The following DSCAM variants were observed in gnomAD, a reference collection of about 807,000 sequenced individuals.
DSCAM encodes the protein cell adhesion molecule DSCAM.
DSCAM carries 47 observed loss-of-function variants against 217.7 expected under a neutral mutation model. That is an observed-to-expected ratio of 0.22 (90% CI 0.17 to 0.28). The LOEUF (loss-of-function observed/expected upper bound fraction) is 0.28. Ranked by LOEUF, DSCAM falls within the 10% of genes least tolerant of loss-of-function variation. DSCAM has a pLI of 1.00. For missense variants in DSCAM, 2,080 were observed against 2,618.3 expected, an observed-to-expected ratio of 0.79 and a Z score of 4.49; for synonymous variants, 1,056 against 1,015.3, an observed-to-expected ratio of 1.04 and a Z score of -0.76.
At chr21:40,341,361 G>A (rs915286858) in intron 6 of DSCAM, among the ~76,000 whole-genome samples, 4 of 152,058 alleles carry the variant, frequency 2.6e-5, no homozygotes, top group African/African-American at 9.7e-5. Context: ...AATGTGTTTA[G>A]CTGTAGATTT....
In DSCAM at chr21:40,013,235, G is replaced by A. The variant is rs2088094510; in HGVS notation, c.5838C>T (p.Ile1946=). 6.2e-7 allele frequency: 1 copy of A among 1,613,896 alleles called. No individual in the cohort carries two copies. The highest frequency in any genetic ancestry group is 8.5e-7 in the Non-Finnish European group (1 of 1,179,928). Residue 1946 remains isoleucine, a synonymous_variant, in exon 33 of 33, where the codon ATC becomes ATT. Transcript: ENST00000400454. ...AGGCGGAGGAGGCGGCTTCCATCGG[G>A]ATGGGCTCCAGGACCGTGGGGCGCT... ...TLKRPTVLEP[I]PMEAASSASS... is the part of the protein sequence containing the mutation.
chr21:40,769,826 C>T (rs2091429210), intron 1 of DSCAM, among the ~76,000 whole-genome samples: 1 of 152,154 alleles, frequency 6.6e-6, no homozygotes, highest in South Asian at 2.1e-4. Context: ...GTCTGATCAC[C>T]CTGGTCTGTG....
intron 28 of DSCAM, among the ~76,000 whole-genome samples, chr21:40,061,624 C>G (rs1406229117): frequency 1.3e-5 from 2 of 151,416 alleles, no homozygotes; most frequent in Non-Finnish European, 2.9e-5. Context: ...CATTGTTTTA[C>G]CTACGATTCA....
intron 3 of DSCAM, among the ~76,000 whole-genome samples, chr21:40,621,913 AG>A (rs1301865965): frequency 5.0e-5 from 2 of 39,688 alleles, no homozygotes; most frequent in Admixed American, 3.5e-4. Context: ...GGAGGGAGGG[AG>A]GGGGGAGGGG....
chr21:40,185,140 T>C (rs950959651), intron 14 of DSCAM, among the ~76,000 whole-genome samples: 22 of 152,104 alleles, frequency 1.4e-4, no homozygotes, highest in Admixed American at 4.6e-4. Flanking sequence ...TTGTCAGTAA[T>C]CATAGAGATA....
At chr21:40,256,211 G>A (rs1458723657) in intron 11 of DSCAM, among the ~76,000 whole-genome samples, 2 of 152,120 alleles carry the variant, frequency 1.3e-5, no homozygotes, top group African/African-American at 4.8e-5. Flanking sequence ...GGAAGTTCAC[G>A]GCATGTTAAA....
At chr21:40,168,046 G>A (rs1248708217) in intron 15 of DSCAM, among the ~76,000 whole-genome samples, 1 of 152,188 alleles carries the variant, frequency 6.6e-6, no homozygotes, top group Non-Finnish European at 1.5e-5. Flanking sequence ...GGGCGACAGA[G>A]TGAGACTCCA....
intron 8 of DSCAM, among the ~76,000 whole-genome samples, chr21:40,331,462 C>T (rs1219673616): frequency 1.3e-5 from 2 of 152,160 alleles, no homozygotes; most frequent in Non-Finnish European, 2.9e-5. Context: ...CATTCATTTC[C>T]CCACTTGCAC....
intron 9 of DSCAM, among the ~76,000 whole-genome samples, chr21:40,304,449 A>C (rs2074050132): frequency 6.6e-6 from 1 of 152,178 alleles, no homozygotes; most frequent in African/African-American, 2.4e-5. Flanking sequence ...GTTTCACTTT[A>C]CCATTTGTGT....
At chr21:40,352,966 T>TA (rs1185367602) in intron 5 of DSCAM, among the ~76,000 whole-genome samples, 1 of 152,180 alleles carries the variant, frequency 6.6e-6, no homozygotes, top group Non-Finnish European at 1.5e-5. Context: ...GGCACAAGTC[T>TA]AATATTTGGG....
chr21:40,612,284 C>T (rs186969022), intron 3 of DSCAM, among the ~76,000 whole-genome samples: 3 of 152,166 alleles, frequency 2.0e-5, no homozygotes, highest in African/African-American at 7.2e-5. Flanking sequence ...CCAAGAGAAT[C>T]TGGTGGATGT....
intron 8 of DSCAM, among the ~76,000 whole-genome samples, chr21:40,322,453 G>A (rs1420104556): frequency 6.6e-6 from 1 of 152,068 alleles, no homozygotes; most frequent in Non-Finnish European, 1.5e-5. Context: ...ATACACTATG[G>A]TACACTGTAA....
chr21:40,408,473 G>T (rs1424457351), intron 3 of DSCAM, among the ~76,000 whole-genome samples: 2 of 152,226 alleles, frequency 1.3e-5, no homozygotes, highest in East Asian at 3.9e-4. Flanking sequence ...TGCCCTACGA[G>T]ATCATCTGGG....
chr21:40,049,355 C>A (rs983076249), intron 30 of DSCAM, among the ~76,000 whole-genome samples: 1 of 152,224 alleles, frequency 6.6e-6, no homozygotes, highest in Middle Eastern at 3.4e-3. Flanking sequence ...ACCTTGGGAG[C>A]TTTTCCCTGC....
At chr21:40,110,877 A>G in intron 20 of DSCAM, among the ~76,000 whole-genome samples, 1 of 152,196 alleles carries the variant, frequency 6.6e-6, no homozygotes, top group Non-Finnish European at 1.5e-5. Context: ...AAAGAATAAA[A>G]AGAAATGAAC....
chr21:40,439,088 A>G (rs1469067188), intron 3 of DSCAM, among the ~76,000 whole-genome samples: 1 of 152,188 alleles, frequency 6.6e-6, no homozygotes, highest in Non-Finnish European at 1.5e-5. Flanking sequence ...GTGCATATTT[A>G]GGCAAATTGC....
chr21:40,679,650 G>C (rs1293739976), intron 3 of DSCAM, among the ~76,000 whole-genome samples: 1 of 152,174 alleles, frequency 6.6e-6, no homozygotes. Flanking sequence ...ATTTAGCTGT[G>C]ATGGTTAAGG....
chr21:40,633,135 T>C (rs2089714332), intron 3 of DSCAM, among the ~76,000 whole-genome samples: 1 of 152,220 alleles, frequency 6.6e-6, no homozygotes, highest in South Asian at 2.1e-4. Context: ...CTTCCCTATT[T>C]AATACATCAT....
chr21:40,310,147 C>T (rs2074122051), intron 9 of DSCAM, among the ~76,000 whole-genome samples: 1 of 152,102 alleles, frequency 6.6e-6, no homozygotes, highest in African/African-American at 2.4e-5. Flanking sequence ...CTTTTTAGAC[C>T]TCCCTATGCA....
Sources: gnomAD v4.1 joint callset for allele counts (sites outside exome capture counted in the v4.1 genomes callset) on GRCh38, gnomAD v4.1.1 for gene constraint, MANE v1.5 for transcripts, NCBI Gene and HGNC (gene_info 2026-07-23, HGNC 2026-07-21) for gene names.